Variants in COL4A5 observed in about 807,000 individuals in gnomAD.
COL4A5 encodes collagen alpha-5(IV) chain.
COL4A5 carries 26 observed loss-of-function variants against 130.2 expected under a neutral mutation model. The ratio of observed to expected loss-of-function variants is 0.20; its 90% CI spans 0.15 to 0.28. The LOEUF is 0.28. COL4A5 is among the 10% of genes least tolerant of loss of function. COL4A5 has a pLI of 1.00. For missense variants in COL4A5, 1,131 were observed against 1,344.3 expected (o/e 0.84, Z 2.48); for synonymous variants, 496 against 439.6 (o/e 1.13, Z -1.60).
chrX:108,527,749 G>A (rs1465012380), intron 1 of COL4A5, among the ~76,000 whole-genome samples: 2 of 111,765 alleles, frequency 1.8e-5, no homozygotes, highest in Admixed American at 9.4e-5. Context: ...GAGGTCCTGG[G>A]GATTATCTAA....
In COL4A5 at chrX:108,483,116, C is replaced by A. The variant is rs753381842; in HGVS notation, c.81+42910C>A. Among the ~76,000 whole-genome samples the A allele has an allele frequency of 8.1e-5, 9 of 111,177 alleles. No individual in the cohort carries two copies. In the South Asian group the frequency reaches 3.5e-3, roughly 43 times the overall value. ...CCAGAAACCTCCAAAAGAACTCCAT[C>A]CTTAATATTCTGTTCCTCTAGAACC... is the stretch of plus-strand genomic sequence containing the variant. On this transcript the variant is annotated intron_variant, in intron 1 of 52. Coordinates refer to ENST00000328300, the MANE Select transcript of COL4A5 (RefSeq NM_033380.3).
chrX:108,576,513 T>A (rs975443119), intron 10 of COL4A5, among the ~76,000 whole-genome samples: 14 of 112,056 alleles, frequency 1.2e-4, no homozygotes, highest in African/African-American at 4.5e-4. Context: ...AGCTCTGTAG[T>A]CACTCTTATT....
intron 1 of COL4A5, among the ~76,000 whole-genome samples, chrX:108,461,612 T>G (rs1273925473): frequency 1.8e-5 from 2 of 111,944 alleles, no homozygotes; most frequent in Non-Finnish European, 3.8e-5. Context: ...TTTTTTGTTT[T>G]TTTTTGAGTT....
chrX:108,601,314 C>A, intron 25 of COL4A5, 79 bp from the exon 26 acceptor site: 1 of 656,307 alleles, frequency 1.5e-6, no homozygotes, highest in Non-Finnish European at 2.4e-6. Flanking sequence ...TGATAATTTT[C>A]TTTTTTGTTT....
intron 42 of COL4A5, among the ~76,000 whole-genome samples, chrX:108,670,898 C>A (rs756987506): frequency 5.4e-4 from 60 of 110,780 alleles, no homozygotes; most frequent in Non-Finnish European, 9.3e-4. Context: ...AAAAATTATC[C>A]AGGCGTGTTG....
At chrX:108,529,441 G>A (rs2065357498) in intron 1 of COL4A5, among the ~76,000 whole-genome samples, 1 of 111,100 alleles carries the variant, frequency 9.0e-6, no homozygotes, top group South Asian at 3.8e-4. Flanking sequence ...TAACACTATA[G>A]CAATCTACCA....
intron 36 of COL4A5, among the ~76,000 whole-genome samples, chrX:108,629,827 T>A (rs943737400): frequency 1.8e-5 from 2 of 108,489 alleles, no homozygotes; most frequent in Non-Finnish European, 3.8e-5. Context: ...CCCCACCCCA[T>A]GACAGGGTGT....
intron 19 of COL4A5, among the ~76,000 whole-genome samples, chrX:108,587,595 C>A (rs1255301317): frequency 8.9e-6 from 1 of 111,745 alleles, no homozygotes; most frequent in African/African-American, 3.2e-5. Flanking sequence ...GTGCAGATAT[C>A]TCTTTGAATT....
At chrX:108,446,395 A>G (rs1218701359) in intron 1 of COL4A5, among the ~76,000 whole-genome samples, 1 of 112,319 alleles carries the variant, frequency 8.9e-6, no homozygotes, top group African/African-American at 3.2e-5. Flanking sequence ...AAGTGCTGCC[A>G]TGAACATTTC....
chrX:108,614,915 T>A lies in COL4A5; in HGVS notation c.2400T>A (p.Asp800Glu). ...GLDGLPGPKG[D>E]VGPNGQPGPM... is the part of the protein sequence containing the mutation. ...AACTGTATTTATTTCTTAAAGGTGA[T>A]GTTGGACCAAATGGACAACCTGGAC... The change falls in exon 30 of 53, where the codon GAT becomes GAA. Residue 800 changes from aspartate to glutamate, a missense_variant. Asp to Glu is a conservative substitution (Grantham distance 45, BLOSUM62 2). Coordinates refer to ENST00000328300, the MANE Select transcript of COL4A5 (RefSeq NM_033380.3). 8.4e-7 allele frequency: 1 copy of A among 1,195,140 alleles called. No individual in the cohort carries two copies. Among genetic ancestry groups the A allele is most frequent in the Non-Finnish European group, 1.1e-6 (1 of 880,317 alleles).
chrX:108,460,911 T>C (rs899087373), intron 1 of COL4A5, among the ~76,000 whole-genome samples: 2 of 110,083 alleles, frequency 1.8e-5, no homozygotes, highest in Non-Finnish European at 3.8e-5. Context: ...CACCAGCCTC[T>C]CTCAATTCTA....
At chrX:108,575,998 T>C (rs2066143115) in intron 10 of COL4A5, 26 bp downstream of exon 10, 2 of 973,440 alleles carry the variant, frequency 2.1e-6, no homozygotes, top group Non-Finnish European at 1.5e-6. Context: ...TAATTTAATT[T>C]CCCCCCCTTT....
chrX:108,607,382 A>T (rs1011226785), intron 29 of COL4A5, among the ~76,000 whole-genome samples: 1 of 106,990 alleles, frequency 9.3e-6, no homozygotes, highest in Non-Finnish European at 1.9e-5. Flanking sequence ...CATATATGTT[A>T]TAAAAGTAAC....
intron 19 of COL4A5, among the ~76,000 whole-genome samples, chrX:108,587,670 T>C (rs1036049204): frequency 1.8e-5 from 2 of 111,615 alleles, no homozygotes; most frequent in East Asian, 5.6e-4. Context: ...GGTAGTTCTA[T>C]TTTTAGTTTT....
At chrX:108,593,753 C>T (rs1230238707) in intron 21 of COL4A5, among the ~76,000 whole-genome samples, 1 of 110,786 alleles carries the variant, frequency 9.0e-6, no homozygotes, top group Non-Finnish European at 1.9e-5. Context: ...CTGCTCTATT[C>T]TGTTCTGTTG....
At chrX:108,585,834 T>G (rs1276044946) in intron 18 of COL4A5, among the ~76,000 whole-genome samples, 1 of 111,476 alleles carries the variant, frequency 9.0e-6, no homozygotes, top group East Asian at 2.8e-4. Context: ...TTTTTAAATT[T>G]TTTTGGTATA....
At chrX:108,671,063 C>T (rs767745997) in intron 42 of COL4A5, among the ~76,000 whole-genome samples, 1 of 110,813 alleles carries the variant, frequency 9.0e-6, no homozygotes, top group South Asian at 3.9e-4. Flanking sequence ...ATGCAACCAG[C>T]ACAGATTACG....
At chrX:108,593,095 C>T (rs748709198) in intron 21 of COL4A5, among the ~76,000 whole-genome samples, 4 of 111,498 alleles carry the variant, frequency 3.6e-5, no homozygotes, top group Non-Finnish European at 5.7e-5. Flanking sequence ...TGGTCTGGAG[C>T]TATTGTGAAT....
intron 2 of COL4A5, among the ~76,000 whole-genome samples, chrX:108,543,283 TA>T (rs1367992083): frequency 2.7e-5 from 3 of 111,933 alleles, no homozygotes; most frequent in Non-Finnish European, 5.6e-5. Context: ...TAAATTTTTG[TA>T]TAAGGTGTAA....
Sources: gnomAD v4.1 joint callset for allele counts (sites outside exome capture counted in the v4.1 genomes callset) on GRCh38, gnomAD v4.1.1 for gene constraint, MANE v1.5 for transcripts, NCBI Gene and HGNC (gene_info 2026-07-23, HGNC 2026-07-21) for gene names.